CALN1: variants seen among roughly 807,000 people sequenced by gnomAD.
The protein encoded by CALN1 is calcium-binding protein 8.
A neutral mutation model predicts 30.6 loss-of-function variants in CALN1; 17 were observed. That is an observed-to-expected ratio of 0.56 (90% CI 0.38 to 0.83). CALN1 has a LOEUF of 0.83. Ranked by LOEUF, CALN1 falls within the 40% of genes least tolerant of loss-of-function variation. The pLI, the probability that CALN1 is intolerant of heterozygous loss-of-function variation, is 0.00. For missense variants in CALN1, 291 were observed against 354.9 expected (o/e 0.82, Z 1.45); for synonymous variants, 156 against 131.4 (o/e 1.19, Z -1.28).
At chr7:72,099,602 G>A (rs983409334) in intron 4 of CALN1, among the ~76,000 whole-genome samples, 2 of 151,858 alleles carry the variant, frequency 1.3e-5, no homozygotes, top group Admixed American at 1.3e-4. Flanking sequence ...TTCAAGACAC[G>A]CACTTCAACC....
At chr7:72,337,056 T>G (rs1802110817) in intron 2 of CALN1, 1 of 985,162 alleles carries the variant, frequency 1.0e-6, no homozygotes, top group Non-Finnish European at 1.2e-6. Flanking sequence ...CCTCTACCCC[T>G]CCCGCTCCCG....
intron 5 of CALN1, among the ~76,000 whole-genome samples, chr7:72,009,323 TA>T (rs1799943991): frequency 1.3e-5 from 2 of 152,118 alleles, no homozygotes; most frequent in Non-Finnish European, 1.5e-5. Context: ...TAAATATGAA[TA>T]AAAAATAAAA....
intron 1 of CALN1, among the ~76,000 whole-genome samples, chr7:72,445,564 T>G (rs1186421161): frequency 6.6e-6 from 1 of 152,168 alleles, no homozygotes; most frequent in Non-Finnish European, 1.5e-5. Flanking sequence ...TTAGAATCTT[T>G]AAATCAACCA....
At chr7:71,911,226 A>G (rs113923503) in intron 5 of CALN1, among the ~76,000 whole-genome samples, 24 of 152,312 alleles carry the variant, frequency 1.6e-4, no homozygotes, top group Middle Eastern at 3.4e-3. Flanking sequence ...ACTTTGACAA[A>G]TAACCTGCCA....
chr7:72,184,749 GTACT>G (rs1020564795), intron 3 of CALN1, among the ~76,000 whole-genome samples: 9 of 151,882 alleles, frequency 5.9e-5, no homozygotes, highest in Non-Finnish European at 8.8e-5. Context: ...TATTCTGCAG[GTACT>G]TAGGGAGGAA....
chr7:72,458,212 TA>T, the CALN1 span, among the ~76,000 whole-genome samples: 3 of 109,494 alleles, frequency 2.7e-5, no homozygotes, highest in Non-Finnish European at 3.5e-5. Context: ...TAATATATTT[TA>T]TAATATATTA....
intron 2 of CALN1, among the ~76,000 whole-genome samples, chr7:72,366,110 G>A (rs1165100651): frequency 6.6e-6 from 1 of 151,956 alleles, no homozygotes; most frequent in African/African-American, 2.4e-5. Context: ...AGTGACTAAA[G>A]TATGGTACAT....
chr7:71,986,161 C>T lies in CALN1; in HGVS notation c.501+37496G>A, dbSNP rs558715640. Among the ~76,000 whole-genome samples, 20 of 152,198 alleles carry T rather than the reference C, an allele frequency of 1.3e-4. No homozygotes were observed. In the South Asian group the frequency reaches 2.5e-3, roughly 19 times the overall value. On this transcript the variant is annotated intron_variant, in intron 5 of 6. Coordinates refer to ENST00000395275, the MANE Select transcript of CALN1 (RefSeq NM_031468.4). ...CTCCCTGGTTCAAGCAATTCTCCTG[C>T]GTCAGCCTCCCGAGCAGCTGGGACC...
chr7:71,993,055 G>C (rs1368230912), intron 5 of CALN1, among the ~76,000 whole-genome samples: 1 of 151,424 alleles, frequency 6.6e-6, no homozygotes, highest in Non-Finnish European at 1.5e-5. Context: ...GCTTTTTTTT[G>C]CTACCACCCC....
chr7:71,983,337 G>C (rs1798496887), intron 5 of CALN1, among the ~76,000 whole-genome samples: 1 of 152,190 alleles, frequency 6.6e-6, no homozygotes, highest in Admixed American at 6.5e-5. Flanking sequence ...AAAATGAGAA[G>C]AGGGTTAATC....
At chr7:72,314,407 A>C (rs1375889453) in intron 2 of CALN1, among the ~76,000 whole-genome samples, 2 of 151,158 alleles carry the variant, frequency 1.3e-5, no homozygotes, top group African/African-American at 2.4e-5. Context: ...ACATATATAC[A>C]CATATATATA....
chr7:72,189,929 GTAGAT>G (rs1038150712), intron 3 of CALN1, among the ~76,000 whole-genome samples: 43 of 152,166 alleles, frequency 2.8e-4, no homozygotes, highest in Non-Finnish European at 1.5e-5. Context: ...CTGTCTGCTA[GTAGAT>G]TATTTTAGAC....
rs545957255 is a variant in CALN1 at position 72,412,301 on chromosome 7, A to T, written c.-317T>A. ...CTTTATTAAGAAGCAGGAAAGAAAA[A>T]AACACAAACTCAAGCGGATAGCACC... On this transcript the variant is annotated 5_prime_UTR_variant, in exon 1 of 7. Coordinates refer to ENST00000395275, the MANE Select transcript of CALN1 (RefSeq NM_031468.4). The T allele has an allele frequency of 1.1e-3, 165 of 152,206 alleles. 1 individual carries two copies. The highest frequency in any genetic ancestry group is 3.6e-3 in the African/African-American group (149 of 41,510). The allele number at this position is 152,206 out of a possible 1,614,324, so 9.4% of individuals were successfully genotyped here.
chr7:72,050,461 A>G (rs973935493), intron 4 of CALN1, among the ~76,000 whole-genome samples: 1 of 152,180 alleles, frequency 6.6e-6, no homozygotes, highest in African/African-American at 2.4e-5. Flanking sequence ...CTAATTTTTC[A>G]AAGCTGAAAT....
chr7:72,356,822 T>C (rs1482853329), intron 2 of CALN1, among the ~76,000 whole-genome samples: 4 of 151,982 alleles, frequency 2.6e-5, no homozygotes, highest in Admixed American at 6.5e-5. Context: ...GAGTATATTA[T>C]TTAGTCTGGG....
At chr7:72,121,740 T>G (rs1808405622) in intron 3 of CALN1, among the ~76,000 whole-genome samples, 1 of 148,628 alleles carries the variant, frequency 6.7e-6, no homozygotes. Context: ...AAAAATGTTT[T>G]GATTACTATA....
the CALN1 span, among the ~76,000 whole-genome samples, chr7:72,457,757 C>T: frequency 1.4e-4 from 19 of 135,712 alleles, no homozygotes; most frequent in East Asian, 3.3e-3. Context: ...CCTTCTTATT[C>T]TTTTTTTTTT....
At chr7:71,987,276 T>C (rs844697) in intron 5 of CALN1, among the ~76,000 whole-genome samples, 1,855 of 152,192 alleles carry the variant, frequency 0.012, 41 homozygotes, top group African/African-American at 0.043. Context: ...ATGTCACGAG[T>C]TGTGCTTATT....
chr7:71,811,192 C>A (rs537818616), intron 5 of CALN1, among the ~76,000 whole-genome samples: 1 of 151,906 alleles, frequency 6.6e-6, no homozygotes, highest in African/African-American at 2.4e-5. Context: ...CCACCACGCC[C>A]GGCCTAATTA....
Sources: gnomAD v4.1 joint callset for allele counts (sites outside exome capture counted in the v4.1 genomes callset) on GRCh38, gnomAD v4.1.1 for gene constraint, MANE v1.5 for transcripts, NCBI Gene and HGNC (gene_info 2026-07-23, HGNC 2026-07-21) for gene names.